The following MTUS1 variants were observed in gnomAD, a reference collection of about 807,000 sequenced individuals.
MTUS1 encodes microtubule-associated tumor suppressor 1.
MTUS1 carries 109 observed loss-of-function variants against 120.8 expected under a neutral mutation model. That is an observed-to-expected ratio of 0.90 (90% CI 0.77 to 1.06). MTUS1 has a LOEUF of 1.06. MTUS1 is among the 50% of genes least tolerant of loss of function. The probability of loss-of-function intolerance (pLI) is 0.00; values close to 1 mark genes in which losing one functional copy is unlikely to be tolerated. For synonymous variants in MTUS1, 737 were observed against 550.5 expected, an observed-to-expected ratio of 1.34 and a Z score of -4.74; for missense variants, 2,210 against 1,486.3, an observed-to-expected ratio of 1.49 and a Z score of -8.01.
At chr8:17,692,680 G>A (rs1049205183) in intron 6 of MTUS1, among the ~76,000 whole-genome samples, 3 of 152,226 alleles carry the variant, frequency 2.0e-5, no homozygotes, top group Non-Finnish European at 2.9e-5. Context: ...GAGGGTGCAG[G>A]GTAGGAGGAG....
chr8:17,745,767 G>A (rs577018945), intron 2 of MTUS1, among the ~76,000 whole-genome samples: 1 of 152,108 alleles, frequency 6.6e-6, no homozygotes, highest in Non-Finnish European at 1.5e-5. Context: ...CCTTCTACCT[G>A]TCCGGTTATT....
chr8:17,786,747 G>A (rs997899824), intron 1 of MTUS1, among the ~76,000 whole-genome samples: 1 of 152,128 alleles, frequency 6.6e-6, no homozygotes, highest in South Asian at 2.1e-4. Flanking sequence ...ATCCACCCGA[G>A]CGGTATGAAG....
At chr8:17,646,210 G>A (rs563403332) in intron 14 of MTUS1, 71 bp from the exon 15 acceptor site, 105 of 1,433,914 alleles carry the variant, frequency 7.3e-5, no homozygotes, top group Middle Eastern at 2.2e-4. Flanking sequence ...TTTTCTTAGC[G>A]TTTGAAACTT....
At chr8:17,697,645 G>T (rs1818252406) in intron 6 of MTUS1, 6 of 1,197,142 alleles carry the variant, frequency 5.0e-6, no homozygotes, top group Non-Finnish European at 6.3e-6. Flanking sequence ...AGGTCTAGAA[G>T]CTGCCTCTGA....
intron 6 of MTUS1, among the ~76,000 whole-genome samples, chr8:17,694,457 G>C (rs553882546): frequency 6.6e-6 from 1 of 152,162 alleles, no homozygotes; most frequent in Admixed American, 6.5e-5. Context: ...CCTGAGGTCA[G>C]GAGTTCCAGA....
chr8:17,727,961 A>T (rs2046325119), intron 3 of MTUS1, among the ~76,000 whole-genome samples: 1 of 152,230 alleles, frequency 6.6e-6, no homozygotes, highest in Non-Finnish European at 1.5e-5. Context: ...AATTTACTAA[A>T]ATACTCACCT....
At chr8:17,646,310 G>A (rs901860192) in intron 14 of MTUS1, among the ~76,000 whole-genome samples, 171 bp from the exon 15 acceptor site, 2 of 152,124 alleles carry the variant, frequency 1.3e-5, no homozygotes, top group African/African-American at 4.8e-5. Context: ...AACACAGGCC[G>A]GGCGTGGTGG....
chr8:17,731,767 C>G (rs2046599721), intron 3 of MTUS1, among the ~76,000 whole-genome samples: 1 of 152,162 alleles, frequency 6.6e-6, no homozygotes, highest in African/African-American at 2.4e-5. Context: ...AGCGAAAGCT[C>G]TTGATGAAAC....
At chr8:17,746,734 C>T (rs2047781350) in intron 2 of MTUS1, among the ~76,000 whole-genome samples, 1 of 152,158 alleles carries the variant, frequency 6.6e-6, no homozygotes, top group Non-Finnish European at 1.5e-5. Flanking sequence ...AACTTACTAA[C>T]ATATAGCCCG....
At chr8:17,789,676 T>C (rs1265006343) in intron 1 of MTUS1, among the ~76,000 whole-genome samples, 2 of 152,276 alleles carry the variant, frequency 1.3e-5, no homozygotes, top group Non-Finnish European at 1.5e-5. Context: ...TGCACCCTTT[T>C]CTTGAAAATG....
chr8:17,681,366 C>T (rs780327948), intron 7 of MTUS1, among the ~76,000 whole-genome samples: 11 of 152,130 alleles, frequency 7.2e-5, no homozygotes, highest in South Asian at 2.1e-4. Flanking sequence ...AGTAATGATA[C>T]GTGAACAATG....
At chr8:17,650,605 G>T (rs961194556) in intron 12 of MTUS1, among the ~76,000 whole-genome samples, 14 of 152,268 alleles carry the variant, frequency 9.2e-5, no homozygotes, top group African/African-American at 3.4e-4. Context: ...AGCTACTCAG[G>T]AGGCTGAGGC....
At chr8:17,699,846 T>C (rs1349648714) in intron 6 of MTUS1, among the ~76,000 whole-genome samples, 1 of 152,200 alleles carries the variant, frequency 6.6e-6, no homozygotes, top group African/African-American at 2.4e-5. Flanking sequence ...TTACACACTT[T>C]ACGTTTGCTC....
In MTUS1 at chr8:17,653,275, T is replaced by C. The variant is rs201400993; in HGVS notation, c.3295A>G (p.Ile1099Val). The C allele has an allele frequency of 6.4e-5, 100 of 1,552,434 alleles. No individual in the cohort carries two copies. The African/African-American group carries it at 6.5e-4, about 10-fold the overall frequency. The change falls in exon 12 of 15, where the codon ATC becomes GTC. Residue 1099 changes from isoleucine (I) to valine (V), a missense_variant. Physicochemically the swap from Ile to Val is conservative, Grantham distance 29. Coordinates refer to ENST00000693296, the MANE Select transcript of MTUS1 (RefSeq NM_001363059.2). Reference sequence around the variant, plus strand: ...TCATTTTCACTCTTCAGATCATTGATTTGCTTCTAAAACACAATGAAATGT... The same window carrying C: ...TCATTTTCACTCTTCAGATCATTGACTTGCTTCTAAAACACAATGAAATGT... ...SEKQESLEKQ[I>V]NDLKSENDAL...
chr8:17,779,379 C>T (rs2050698563), intron 1 of MTUS1, among the ~76,000 whole-genome samples: 1 of 152,148 alleles, frequency 6.6e-6, no homozygotes, highest in South Asian at 2.1e-4. Context: ...TTCCTCCAAT[C>T]CTTGTCAATA....
At chr8:17,670,199 G>A (rs949289545) in intron 8 of MTUS1, among the ~76,000 whole-genome samples, 1 of 152,220 alleles carries the variant, frequency 6.6e-6, no homozygotes, top group Admixed American at 6.5e-5. Context: ...GCTCAGGAAG[G>A]AAGGGGCTGG....
At chr8:17,652,089 G>C (rs1807126860) in intron 12 of MTUS1, among the ~76,000 whole-genome samples, 1 of 152,218 alleles carries the variant, frequency 6.6e-6, no homozygotes, top group South Asian at 2.1e-4. Context: ...ATTTGAAGTG[G>C]AGAAAAGCTT....
rs769448973 is a variant in MTUS1, at chr8:17,755,005, G to A, written c.803C>T (p.Ser268Leu). ...SDIGNQCACS[S>L]GKVTSEYTDG... ...TGTGTACTCACTGGTGACCTTTCCT[G>A]AAGAACATGCACACTGATTTCCAAT... Residue 268 changes from serine to leucine, a missense_variant, in exon 2 of 15, where the codon TCA becomes TTA. Ser to Leu is a moderately radical substitution (Grantham distance 145). Transcript: ENST00000693296. The A allele has an allele frequency of 6.2e-7, 1 of 1,614,068 alleles. No individual in the cohort carries two copies. The highest frequency in any genetic ancestry group is 8.5e-7 in the Non-Finnish European group (1 of 1,180,020).
At chr8:17,787,220 T>G (rs1160533608) in intron 1 of MTUS1, among the ~76,000 whole-genome samples, 1 of 152,178 alleles carries the variant, frequency 6.6e-6, no homozygotes, top group East Asian at 1.9e-4. Context: ...GGCCACAGCC[T>G]CCAGCATGGG....
Sources: gnomAD v4.1 joint callset for allele counts (sites outside exome capture counted in the v4.1 genomes callset) on GRCh38, gnomAD v4.1.1 for gene constraint, MANE v1.5 for transcripts, NCBI Gene and HGNC (gene_info 2026-07-23, HGNC 2026-07-21) for gene names.